The following MLLT3 variants were observed in gnomAD, a reference collection of about 807,000 sequenced individuals.
MLLT3 encodes the protein protein AF-9.
Under a neutral mutation model 53.2 loss-of-function variants are expected in MLLT3, and 4 were observed. The ratio of observed to expected loss-of-function variants is 0.08; its 90% CI spans 0.04 to 0.17. The LOEUF (loss-of-function observed/expected upper bound fraction) is 0.17. Ranked by LOEUF, MLLT3 falls within the 10% of genes least tolerant of loss-of-function variation. The pLI, the probability that MLLT3 is intolerant of heterozygous loss-of-function variation, is 1.00. For missense variants in MLLT3, 569 were observed against 684.0 expected, an observed-to-expected ratio of 0.83 and a Z score of 1.87; for synonymous variants, 283 against 230.6, an observed-to-expected ratio of 1.23 and a Z score of -2.06.
At chr9:20,373,260 C>A (rs1478106376) in intron 5 of MLLT3, among the ~76,000 whole-genome samples, 1 of 152,136 alleles carries the variant, frequency 6.6e-6, no homozygotes, top group East Asian at 1.9e-4. Context: ...TCCTCTACTG[C>A]CTAATACAAG....
intron 2 of MLLT3, among the ~76,000 whole-genome samples, chr9:20,596,824 A>T (rs2131192405): frequency 6.6e-6 from 1 of 152,360 alleles, no homozygotes; most frequent in East Asian, 1.9e-4. Flanking sequence ...CAATTTACAA[A>T]GAAGCCAGTT....
At chr9:20,588,056 A>G (rs1344919051) in intron 2 of MLLT3, among the ~76,000 whole-genome samples, 2 of 151,016 alleles carry the variant, frequency 1.3e-5, no homozygotes, top group Non-Finnish European at 3.0e-5. Context: ...AGCTTTCTAC[A>G]TATGGCTAGC....
intron 2 of MLLT3, among the ~76,000 whole-genome samples, chr9:20,573,188 G>GT (rs59285839): frequency 0.32 from 44,912 of 141,152 alleles, 7,155 homozygotes; most frequent in South Asian, 0.42. Context: ...TTTTTGTTTT[G>GT]TTTTTTTTTT....
At chr9:20,532,315 A>AT in intron 2 of MLLT3, among the ~76,000 whole-genome samples, 1 of 145,144 alleles carries the variant, frequency 6.9e-6, no homozygotes, top group African/African-American at 2.8e-5. Context: ...AATAGGAAAA[A>AT]AAAATATATA....
chr9:20,592,398 T>G (rs1273572341), intron 2 of MLLT3, among the ~76,000 whole-genome samples: 2 of 152,240 alleles, frequency 1.3e-5, no homozygotes, highest in Non-Finnish European at 2.9e-5. Flanking sequence ...CAGGGCTGAT[T>G]TCTTCTGAGG....
rs993965462 is a variant in MLLT3, at chr9:20,621,000, C to G, written c.13-166G>C. ...CGCGCGTGGGCGCGCACACTCCACA[C>G]CCCCAAATATACCCGCCCGCCCGGC... On this transcript the variant is annotated intron_variant, in intron 1 of 10. Coordinates refer to ENST00000380338, the MANE Select transcript of MLLT3 (RefSeq NM_004529.4). The surrounding 1 kb of genome is among the most constrained non-coding windows in gnomAD (Gnocchi z 6.1). 1 of 858,018 alleles carries G rather than the reference C, an allele frequency of 1.2e-6. No individual in the cohort carries two copies. The highest frequency in any genetic ancestry group is 1.4e-5 in the South Asian group (1 of 69,876). The allele number at this position is 858,018 out of a possible 1,614,324, so 53.2% of individuals were successfully genotyped here. A position where few individuals can be genotyped will look rare whatever the true frequency, so the allele number is the denominator to read the frequency against.
intron 4 of MLLT3, among the ~76,000 whole-genome samples, chr9:20,445,795 C>T (rs1049451800): frequency 6.6e-6 from 1 of 152,062 alleles, no homozygotes; most frequent in Non-Finnish European, 1.5e-5. Context: ...TATGTCAACA[C>T]ATAATTTTTA....
intron 2 of MLLT3, among the ~76,000 whole-genome samples, chr9:20,558,761 T>C (rs920927341): frequency 1.3e-5 from 2 of 152,216 alleles, no homozygotes; most frequent in Admixed American, 1.3e-4. Flanking sequence ...GGAATATCAC[T>C]TAGCAAATGC....
intron 2 of MLLT3, among the ~76,000 whole-genome samples, chr9:20,535,358 G>C (rs1426765384): frequency 1.2e-4 from 18 of 152,112 alleles, no homozygotes; most frequent in Non-Finnish European, 1.9e-4. Context: ...CCAGTCCCTG[G>C]TGCCAAAAAG....
At chr9:20,419,962 T>C (rs1822965851) in intron 4 of MLLT3, among the ~76,000 whole-genome samples, 1 of 152,034 alleles carries the variant, frequency 6.6e-6, no homozygotes, top group African/African-American at 2.4e-5. Context: ...AGTCTAACAA[T>C]CTGGACCTAA....
At chr9:20,424,838 C>A (rs988790149) in intron 4 of MLLT3, among the ~76,000 whole-genome samples, 1 of 152,126 alleles carries the variant, frequency 6.6e-6, no homozygotes, top group East Asian at 1.9e-4. Flanking sequence ...ATTACCTATA[C>A]CACAAAGTGA....
At chr9:20,509,384 A>G (rs181300304) in intron 2 of MLLT3, among the ~76,000 whole-genome samples, 1 of 152,270 alleles carries the variant, frequency 6.6e-6, no homozygotes. Context: ...AAAAGCTTTT[A>G]CTGTTTCTTT....
chr9:20,587,630 A>G (rs1453559200), intron 2 of MLLT3, among the ~76,000 whole-genome samples: 3 of 152,268 alleles, frequency 2.0e-5, no homozygotes, highest in Non-Finnish European at 4.4e-5. Flanking sequence ...TTGGCTGCAT[A>G]AATGTCTTCT....
In MLLT3 at chr9:20,359,145, C is replaced by CAAAAAAA. The variant is rs920197622; in HGVS notation, c.1431+1590_1431+1596dup. Among the ~76,000 whole-genome samples the CAAAAAAA allele has an allele frequency of 3.4e-3, 71 of 20,976 alleles. 9 individuals are homozygous for CAAAAAAA. Among genetic ancestry groups the CAAAAAAA allele is most frequent in the African/African-American group, 0.011 (69 of 6,316 alleles). The allele number at this position is 20,976 out of a possible 152,430, so 13.8% of individuals were successfully genotyped here. On this transcript the variant is annotated intron_variant, in intron 8 of 10. Coordinates refer to ENST00000380338, the MANE Select transcript of MLLT3 (RefSeq NM_004529.4). ...GGGCAACAAGAGCAAAACTCCATCT[C>CAAAAAAA]AAAAAAAAAAAAAAAAAAAAAAAAA... is the stretch of plus-strand genomic sequence containing the variant.
At chr9:20,603,079 T>G (rs1820472271) in intron 2 of MLLT3, among the ~76,000 whole-genome samples, 1 of 152,264 alleles carries the variant, frequency 6.6e-6, no homozygotes, top group Non-Finnish European at 1.5e-5. Context: ...AATCTGCCTC[T>G]AATTTCTCCT....
intron 4 of MLLT3, among the ~76,000 whole-genome samples, chr9:20,435,143 C>G (rs1230935048): frequency 6.6e-6 from 1 of 152,160 alleles, no homozygotes; most frequent in Non-Finnish European, 1.5e-5. Flanking sequence ...CTGAGTACCA[C>G]AGCTTTTTCT....
At chr9:20,365,448 C>A (rs1821425962) in intron 6 of MLLT3, among the ~76,000 whole-genome samples, 1 of 152,198 alleles carries the variant, frequency 6.6e-6, no homozygotes, top group African/African-American at 2.4e-5. Context: ...AAGGATTCTC[C>A]TGTCTCAGCC....
chr9:20,443,886 G>T (rs536214945), intron 4 of MLLT3, among the ~76,000 whole-genome samples: 2 of 152,278 alleles, frequency 1.3e-5, no homozygotes, highest in East Asian at 3.9e-4. Flanking sequence ...TTTTCCCAGG[G>T]TTACCCAGCT....
rs996965169 is a variant in MLLT3, at chr9:20,438,517, C to G, written c.420+9606G>C. 4.6e-5 allele frequency among the ~76,000 whole-genome samples: 7 copies of G among 152,154 alleles called. No homozygotes were observed. In the East Asian group the frequency reaches 1.3e-3, roughly 29 times the overall value. ...CACTGGAGCCTCAAATTCCTGGGCT[C>G]AAGCGATCCTCCTACTTCAGCCTCC... is the stretch of plus-strand genomic sequence containing the variant. On this transcript the variant is annotated intron_variant, in intron 4 of 10. Transcript: ENST00000380338.
Sources: allele counts gnomAD v4.1 joint callset (sites outside exome capture counted in the v4.1 genomes callset), GRCh38; gene constraint gnomAD v4.1.1; non-coding constraint Gnocchi (gnomAD v3.1); transcripts MANE v1.5; gene names NCBI Gene and HGNC (gene_info 2026-07-23, HGNC 2026-07-21).